HK1: variants seen among roughly 807,000 people sequenced by gnomAD.
HK1 encodes the protein hexokinase 1.
A neutral mutation model predicts 91.6 loss-of-function variants in HK1; 28 were observed. That is an observed-to-expected ratio of 0.31 (90% CI 0.23 to 0.42). HK1 has a LOEUF of 0.42. Among genes scored for constraint, HK1 ranks in the 10% least tolerant of loss-of-function variants. HK1 has a pLI of 1.00. For synonymous variants in HK1, 430 were observed against 468.1 expected, an observed-to-expected ratio of 0.92 and a Z score of 1.05; for missense variants, 770 against 1,219.8, an observed-to-expected ratio of 0.63 and a Z score of 5.49.
intron 4 of HK1, chr10:69,296,360 AG>A (rs2132481724): frequency 6.5e-6 from 1 of 153,320 alleles, no homozygotes; most frequent in African/African-American, 2.4e-5. Context: ...ACCTAGTCCC[AG>A]GTGAGGGCCA....
chr10:69,315,284 T>A (rs1846577546), upstream of HK1, among the ~76,000 whole-genome samples: 1 of 152,212 alleles, frequency 6.6e-6, no homozygotes, highest in South Asian at 2.1e-4. Context: ...TGGAGATCAC[T>A]CCTGAAGTAA....
chr10:69,368,561 G>A lies in HK1; in HGVS notation c.521G>A (p.Arg174Gln), dbSNP rs768308886. Residue 174 changes from arginine (R) to glutamine (Q), a missense_variant, in exon 5 of 18, where the codon CGA becomes CAA. This residue lies in a region of HK1 where 449 missense variants were observed against 665.1 expected (regional missense o/e 0.68). Coordinates refer to ENST00000359426, the MANE Select transcript of HK1 (RefSeq NM_000188.3). ...GCCATCCTGATCACCTGGACAAAGC[G>A]ATTTAAAGCGAGCGGAGTGGAAGGA... ...DEAILITWTK[R>Q]FKASGVEGAD... is the part of the protein sequence containing the mutation. The A allele has an allele frequency of 1.1e-5, 17 of 1,614,076 alleles. No individual in the cohort carries two copies. Among genetic ancestry groups the A allele is most frequent in the Non-Finnish European group, 1.4e-5 (16 of 1,180,030 alleles).
chr10:69,298,976 G>C (rs1845710199), intron 4 of HK1, among the ~76,000 whole-genome samples: 1 of 151,934 alleles, frequency 6.6e-6, no homozygotes, highest in African/African-American at 2.4e-5. Context: ...GTCTCACTCT[G>C]TTGCCCAGGC....
intron 16 of HK1, among the ~76,000 whole-genome samples, chr10:69,396,658 G>T (rs544727763): frequency 9.2e-5 from 14 of 152,066 alleles, no homozygotes; most frequent in Non-Finnish European, 2.1e-4. Context: ...CCGTATTGTG[G>T]CATGTGTTAG....
Position 69,343,888 on chromosome 10 carries a change from G to A in HK1, c.125G>A (p.Arg42His), listed in dbSNP as rs953252520. 2.5e-6 allele frequency: 4 copies of A among 1,613,876 alleles called. No homozygotes were observed. Among genetic ancestry groups the A allele is most frequent in the South Asian group, 2.2e-5 (2 of 91,070 alleles). Residue 42 changes from arginine (R) to histidine (H), a missense_variant, in exon 2 of 18, where the codon CGC becomes CAC. By Grantham distance (29) the Arg-to-His change is conservative. Transcript: ENST00000359426. ...GAAACTCTCATAGATATCATGACTC[G>A]CTTCAGGAAGGAGATGAAGAATGGC... is the stretch of plus-strand genomic sequence containing the variant. Reference protein sequence around the residue: ...SDETLIDIMTRFRKEMKNGLS... With the variant: ...SDETLIDIMTHFRKEMKNGLS...
chr10:69,401,536 T>C lies in HK1; in HGVS notation c.*401T>C. The C allele has an allele frequency of 2.8e-6, 1 of 352,018 alleles. No individual in the cohort carries two copies. The highest frequency in any genetic ancestry group is 5.5e-6 in the Non-Finnish European group (1 of 180,566). 21.8% of individuals were successfully genotyped at this position (352,018 alleles called of 1,614,324 possible). A position where few individuals can be genotyped will look rare whatever the true frequency, so the allele number is the denominator to read the frequency against. ...GGGTTCCCCCTCCCTGTGTGAAATG[T>C]ATTATCACCAGCAGACACTGCCGGG... On this transcript the variant is annotated 3_prime_UTR_variant, in exon 18 of 18. Transcript: ENST00000359426.
At chr10:69,304,928 G>T (rs112748835) in intron 5 of HK1, among the ~76,000 whole-genome samples, 5,910 of 152,164 alleles carry the variant, frequency 0.039, 179 homozygotes, top group East Asian at 0.086. Flanking sequence ...TCAAGGTGTT[G>T]GCAGGCTTGT....
intron 1 of HK1, among the ~76,000 whole-genome samples, chr10:69,343,118 G>A (rs753297661): frequency 4.6e-5 from 7 of 152,190 alleles, no homozygotes; most frequent in Non-Finnish European, 7.3e-5. Context: ...CATTCATTGA[G>A]GCTGGGTTTA....
At position 69,288,255 on chromosome 10, in the gene HK1, T is replaced by C. The variant is rs956205952; in HGVS notation, c.-214-416T>C. On this transcript the variant is annotated intron_variant, in intron 2 of 21. Transcript: ENST00000360289. ...TAGTCATAAGCAGAGAAGGTTGTAG[T>C]TGGTGACGAGGTACCACTTCCAGAC... Among the ~76,000 whole-genome samples, 18 of 152,316 alleles carry C rather than the reference T, an allele frequency of 1.2e-4. No homozygotes were observed. In the South Asian group the frequency reaches 1.9e-3, roughly 16 times the overall value.
intron 1 of HK1, among the ~76,000 whole-genome samples, chr10:69,281,533 A>C (rs1475102199): frequency 6.6e-6 from 1 of 152,158 alleles, no homozygotes; most frequent in African/African-American, 2.4e-5. Flanking sequence ...ATTCAATGTC[A>C]CTTTCTATAG....
chr10:69,364,705 G>T, intron 3 of HK1, 78 bp from the exon 4 acceptor site: 2 of 1,536,466 alleles, frequency 1.3e-6, no homozygotes, highest in Admixed American at 3.3e-5. Context: ...TGTGTGTGTG[G>T]GAGGGAATGG....
chr10:69,340,433 A>G (rs535531808), intron 1 of HK1, among the ~76,000 whole-genome samples: 21 of 152,288 alleles, frequency 1.4e-4, no homozygotes, highest in African/African-American at 4.8e-4. Flanking sequence ...TATTTTTAGT[A>G]GAGACCGGGT....
chr10:69,372,865 T>TG (rs1564550227), intron 7 of HK1, among the ~76,000 whole-genome samples: 1 of 149,890 alleles, frequency 6.7e-6, no homozygotes, highest in Admixed American at 6.6e-5. Flanking sequence ...GGGTTTTTTT[T>TG]TTGTTGTTGT....
intron 1 of HK1, among the ~76,000 whole-genome samples, chr10:69,337,633 C>T (rs1380725198): frequency 6.6e-6 from 1 of 152,194 alleles, no homozygotes; most frequent in Non-Finnish European, 1.5e-5. Context: ...AATCTCTGTC[C>T]TCCCCTAAGC....
intron 4 of HK1, chr10:69,296,310 A>G (rs1845560250): frequency 6.5e-6 from 1 of 154,490 alleles, no homozygotes; most frequent in Admixed American, 6.3e-5. Context: ...TTGGGAGAAA[A>G]GCACAGAAAC....
chr10:69,396,470 ACT>A (rs1403138106), intron 16 of HK1, among the ~76,000 whole-genome samples: 1 of 150,808 alleles, frequency 6.6e-6, no homozygotes, highest in African/African-American at 2.4e-5. Context: ...CTCAGCTGAA[ACT>A]CTGTACGCAG....
upstream of HK1, chr10:69,318,822 G>C (rs567367316): frequency 7.0e-7 from 1 of 1,426,736 alleles, no homozygotes. Flanking sequence ...CCCGGGCCGA[G>C]GGGGAGGAGC....
In HK1 at chr10:69,272,081, CT is replaced by C. The variant is rs549354471; in HGVS notation, c.-391+1974del. Among the ~76,000 whole-genome samples the C allele has an allele frequency of 3.7e-4, 56 of 152,210 alleles. No individual in the cohort carries two copies. The South Asian group carries it at 0.011, about 31-fold the overall frequency. On this transcript the variant is annotated intron_variant, in intron 1 of 21. Coordinates refer to the HK1 transcript ENST00000360289. ...GTTTTGCCATGTTGGCCAAGCTGGTCTCAAACTCCTGGCCTCAGGTGATCCG... is the reference window on the plus strand; with the variant it reads ...GTTTTGCCATGTTGGCCAAGCTGGTCCAAACTCCTGGCCTCAGGTGATCCG...
intron 5 of HK1, among the ~76,000 whole-genome samples, chr10:69,309,462 T>G (rs1429226110): frequency 1.7e-5 from 2 of 118,858 alleles, no homozygotes; most frequent in African/African-American, 6.8e-5. Context: ...ATTACAGGTG[T>G]GAGCCACCGC....
Sources: allele counts gnomAD v4.1 joint callset (sites outside exome capture counted in the v4.1 genomes callset), GRCh38; gene constraint gnomAD v4.1.1; regional missense constraint gnomAD v4.1.1; transcripts MANE v1.5; gene names NCBI Gene and HGNC (gene_info 2026-07-23, HGNC 2026-07-21).